COL14A1: variants seen among roughly 807,000 people sequenced by gnomAD.
COL14A1 encodes collagen alpha-1(XIV) chain.
Under a neutral mutation model 230.3 loss-of-function variants are expected in COL14A1, and 136 were observed. The ratio of observed to expected loss-of-function variants is 0.59; its 90% CI spans 0.51 to 0.68. The LOEUF (loss-of-function observed/expected upper bound fraction) is 0.68, where lower values mean the gene tolerates loss of function less well. COL14A1 is among the 30% of genes least tolerant of loss of function. COL14A1 has a pLI of 0.00. For missense variants in COL14A1, 1,976 were observed against 2,215.8 expected (o/e 0.89, Z 2.17); for synonymous variants, 792 against 784.1 (o/e 1.01, Z -0.17).
chr8:120,278,673 G>T, intron 28 of COL14A1, 95 bp downstream of exon 28: 1 of 1,250,068 alleles, frequency 8.0e-7, no homozygotes. Flanking sequence ...TTACTTAAAT[G>T]TTTTAAAATA....
At position 120,125,188 on chromosome 8, in the gene COL14A1, GGAGA is replaced by G. The variant is rs1193951841; in HGVS notation, c.-185_-182del. 6.5e-6 allele frequency: 1 copy of G among 152,794 alleles called. No individual in the cohort carries two copies. Among genetic ancestry groups the G allele is most frequent in the Non-Finnish European group, 1.5e-5 (1 of 68,496 alleles). The allele number at this position is 152,794 out of a possible 1,614,324, so 9.5% of individuals were successfully genotyped here. A position where few individuals can be genotyped will look rare whatever the true frequency, so the allele number is the denominator to read the frequency against. On this transcript the variant is annotated 5_prime_UTR_variant, in exon 1 of 48. Transcript: ENST00000297848. ...TGGAAGCGCAGCGGCAGAAGGAGAGGGAGAGAGAAAGAGAGAGAGGCTAATTAAA... is the reference window on the plus strand; with the variant it reads ...TGGAAGCGCAGCGGCAGAAGGAGAGGGAGAAAGAGAGAGAGGCTAATTAAA...
intron 4 of COL14A1, 61 bp from the exon 5 acceptor site, chr8:120,168,100 A>C (rs1815971074): frequency 8.3e-7 from 1 of 1,201,878 alleles, no homozygotes; most frequent in Non-Finnish European, 1.2e-6. Flanking sequence ...AGTAAAACTC[A>C]CTGAATATTT....
At chr8:120,148,540 AT>A (rs1815172675) in intron 2 of COL14A1, among the ~76,000 whole-genome samples, 1 of 152,214 alleles carries the variant, frequency 6.6e-6, no homozygotes, top group Non-Finnish European at 1.5e-5. Context: ...AAATTGCTTT[AT>A]GAATAAAGCC....
At chr8:120,238,327 G>A (rs1229415682) in intron 19 of COL14A1, among the ~76,000 whole-genome samples, 1 of 152,172 alleles carries the variant, frequency 6.6e-6, no homozygotes, top group Non-Finnish European at 1.5e-5. Context: ...AATCTAGAGA[G>A]GCAGTCTGGC....
rs185829264 is a variant in COL14A1, at chr8:120,139,563, G to A, written c.-37-8243G>A. 9.2e-4 allele frequency among the ~76,000 whole-genome samples: 140 copies of A among 152,276 alleles called. No homozygotes were observed. The Middle Eastern group carries it at 0.014, about 15-fold the overall frequency. ...ACCTTAATGTGATAGAAGAGATAAA[G>A]TCTTCTTGATTCTCCTTCCTTTTTT... On this transcript the variant is annotated intron_variant, in intron 1 of 47. Coordinates refer to ENST00000297848, the MANE Select transcript of COL14A1 (RefSeq NM_021110.4).
At chr8:120,212,427 A>G in intron 12 of COL14A1, 21 bp from the exon 13 acceptor site, 1 of 1,611,580 alleles carries the variant, frequency 6.2e-7, no homozygotes, top group Non-Finnish European at 8.5e-7. Context: ...CAAATGATCT[A>G]ACAACATGTG....
chr8:120,334,122 T>C (rs1169870371), intron 42 of COL14A1, among the ~76,000 whole-genome samples: 1 of 152,214 alleles, frequency 6.6e-6, no homozygotes, highest in Non-Finnish European at 1.5e-5. Flanking sequence ...ATTCAGAAAG[T>C]GGCCTCTCTT....
At chr8:120,216,763 G>A (rs1429232229) in intron 14 of COL14A1, among the ~76,000 whole-genome samples, 1 of 152,140 alleles carries the variant, frequency 6.6e-6, no homozygotes, top group East Asian at 1.9e-4. Flanking sequence ...GGTCTGGGGA[G>A]CCTGGAACAG....
chr8:120,318,500 C>G (rs1434545529), intron 40 of COL14A1, among the ~76,000 whole-genome samples: 1 of 152,136 alleles, frequency 6.6e-6, no homozygotes, highest in Non-Finnish European at 1.5e-5. Flanking sequence ...TAGTAAAGTT[C>G]TAACACAGTT....
chr8:120,242,354 A>G (rs947142325), intron 19 of COL14A1, among the ~76,000 whole-genome samples: 1 of 152,252 alleles, frequency 6.6e-6, no homozygotes, highest in African/African-American at 2.4e-5. Context: ...TGAGTCTTCT[A>G]AAACAGTCAC....
At chr8:120,170,910 G>A (rs892561260) in intron 5 of COL14A1, among the ~76,000 whole-genome samples, 8 of 144,974 alleles carry the variant, frequency 5.5e-5, no homozygotes, top group African/African-American at 2.0e-4. Flanking sequence ...TGAGTAATTT[G>A]TAAAGAAGAT....
At chr8:120,178,577 T>C (rs1816361498) in intron 5 of COL14A1, among the ~76,000 whole-genome samples, 1 of 152,218 alleles carries the variant, frequency 6.6e-6, no homozygotes, top group Admixed American at 6.5e-5. Context: ...TTTATAATGC[T>C]TTGGGTATAT....
At chr8:120,190,475 A>G (rs1484484165) in intron 5 of COL14A1, among the ~76,000 whole-genome samples, 1 of 151,888 alleles carries the variant, frequency 6.6e-6, no homozygotes, top group Non-Finnish European at 1.5e-5. Context: ...GCTGTGCAGA[A>G]GCTCTTTAGT....
chr8:120,306,702 G>A (rs529434435), intron 36 of COL14A1, among the ~76,000 whole-genome samples: 2 of 152,302 alleles, frequency 1.3e-5, no homozygotes, highest in South Asian at 4.1e-4. Context: ...CCAGTGACAA[G>A]GGTTAAGGAT....
rs576663862 is a variant in COL14A1 at position 120,298,597 on chromosome 8, T to TTTTATA, written c.4314+1010_4314+1011insTTATAT. ...TGGGATGTGTGTATACCCATATATT[T>TTTTATA]TATATATATATATATATATATATAT... On this transcript the variant is annotated intron_variant, in intron 35 of 47. Transcript: ENST00000297848. Among the ~76,000 whole-genome samples the TTTTATA allele has an allele frequency of 4.4e-3, 257 of 57,936 alleles. 1 individual carries two copies. Among genetic ancestry groups the TTTTATA allele is most frequent in the Middle Eastern group, 0.014 (1 of 74 alleles). 38.0% of individuals were successfully genotyped at this position (57,936 alleles called of 152,430 possible). A position where few individuals can be genotyped will look rare whatever the true frequency, so the allele number is the denominator to read the frequency against.
intron 1 of COL14A1, among the ~76,000 whole-genome samples, chr8:120,133,241 A>T (rs992214334): frequency 3.9e-5 from 6 of 152,066 alleles, no homozygotes; most frequent in Non-Finnish European, 7.4e-5. Flanking sequence ...AAAAAAAAAA[A>T]AAATAACTGT....
At chr8:120,309,903 CT>C in intron 36 of COL14A1, 105 bp from the exon 37 acceptor site, 1 of 1,102,328 alleles carries the variant, frequency 9.1e-7, no homozygotes, top group Non-Finnish European at 1.4e-6. Flanking sequence ...GTGTGTTGGC[CT>C]TTACATAAAA....
chr8:120,126,973 T>C lies in COL14A1; in HGVS notation c.-38+1633T>C, dbSNP rs144941383. ...ATTCATATACCTCTCAATTAACCAA[T>C]TTAAAGTGTACAATTCAATGATTTT... On this transcript the variant is annotated intron_variant, in intron 1 of 47. Coordinates refer to ENST00000297848, the MANE Select transcript of COL14A1 (RefSeq NM_021110.4). Among the ~76,000 whole-genome samples, 452 of 152,324 alleles carry C rather than the reference T, an allele frequency of 3.0e-3. 6 individuals are homozygous for C. Among genetic ancestry groups the C allele is most frequent in the African/African-American group, 0.01 (436 of 41,580 alleles).
At chr8:120,139,665 C>T (rs769657123) in intron 1 of COL14A1, among the ~76,000 whole-genome samples, 1 of 152,202 alleles carries the variant, frequency 6.6e-6, no homozygotes, top group East Asian at 1.9e-4. Flanking sequence ...GATCATGCTA[C>T]CAATTAGAAA....
Sources: allele counts gnomAD v4.1 joint callset (sites outside exome capture counted in the v4.1 genomes callset), GRCh38; gene constraint gnomAD v4.1.1; transcripts MANE v1.5; gene names NCBI Gene and HGNC (gene_info 2026-07-23, HGNC 2026-07-21).